KIAA1755: variants seen among roughly 807,000 people sequenced by gnomAD.
KIAA1755 encodes the protein KIAA1755.
In KIAA1755, 68 loss-of-function variants were observed where a neutral mutation model predicts 91.7. The ratio of observed to expected loss-of-function variants is 0.74; its 90% CI spans 0.61 to 0.91. The LOEUF (loss-of-function observed/expected upper bound fraction) is 0.91. KIAA1755 is among the 40% of genes least tolerant of loss of function. The pLI is 0.00. For synonymous variants in KIAA1755, 610 were observed against 604.6 expected, an observed-to-expected ratio of 1.01 and a Z score of -0.13; for missense variants, 1,535 against 1,494.4, an observed-to-expected ratio of 1.03 and a Z score of -0.45.
chr20:38,239,502 C>T, intron 4 of KIAA1755, 26 bp downstream of exon 4: 1 of 1,610,920 alleles, frequency 6.2e-7, no homozygotes, highest in Non-Finnish European at 8.5e-7. Context: ...CCCTCCCTAC[C>T]ACCTCCTGCT....
At chr20:38,244,465 C>T (rs1409785822) in intron 2 of KIAA1755, among the ~76,000 whole-genome samples, 2 of 152,312 alleles carry the variant, frequency 1.3e-5, no homozygotes, top group Admixed American at 6.5e-5. Flanking sequence ...CGCACACAGT[C>T]CCCACCCTTC....
In KIAA1755 at chr20:38,241,129, A is replaced by G. The variant is rs1463646474; in HGVS notation, c.1002T>C (p.Asn334=). 2 of 1,613,956 alleles carry G rather than the reference A, an allele frequency of 1.2e-6. No homozygotes were observed. Among genetic ancestry groups the G allele is most frequent in the African/African-American group, 1.3e-5 (1 of 74,888 alleles). Residue 334 remains asparagine (N), a synonymous_variant, in exon 3 of 14, where the codon AAT becomes AAC. Coordinates refer to ENST00000279024, the MANE Select transcript of KIAA1755 (RefSeq NM_001029864.2). ...AGCTTTCTGGCTTTGTGCAAGCCCG[A>G]TTTCCCAAGGAAGGTCCTTCATTGG... is the stretch of plus-strand genomic sequence containing the variant. The part of the protein sequence containing the change: ...SEANEGPSLG[N]RACTKPESSE...
chr20:38,215,737 T>C (rs147553210), intron 13 of KIAA1755, among the ~76,000 whole-genome samples: 88 of 152,232 alleles, frequency 5.8e-4, no homozygotes, highest in Admixed American at 2.0e-3. Flanking sequence ...GGGGCTGAAA[T>C]TGGCTGAAAT....
chr20:38,240,083 T>TTTCCTTCCTTCCTTCCTTCC (rs147706141), intron 3 of KIAA1755, among the ~76,000 whole-genome samples: 1 of 151,822 alleles, frequency 6.6e-6, no homozygotes, highest in Non-Finnish European at 1.5e-5. Flanking sequence ...TCCTTCCTTC[T>TTTCCTTCCTTCCTTCCTTCC]TTCCTTCCTT....
At chr20:38,229,847 C>G (rs887101651) in intron 5 of KIAA1755, among the ~76,000 whole-genome samples, 1 of 152,150 alleles carries the variant, frequency 6.6e-6, no homozygotes, top group Admixed American at 6.5e-5. Flanking sequence ...CTCTGTCTAC[C>G]ACACTAGTCA....
intron 1 of KIAA1755, among the ~76,000 whole-genome samples, chr20:38,251,804 G>C (rs191433370): frequency 5.1e-4 from 77 of 152,256 alleles, no homozygotes; most frequent in African/African-American, 1.8e-3. Context: ...GACCTCAGGT[G>C]ATCCGCCCTC....
At chr20:38,214,321 C>T (rs74771581) in intron 13 of KIAA1755, among the ~76,000 whole-genome samples, 3,198 of 152,244 alleles carry the variant, frequency 0.021, 102 homozygotes, top group African/African-American at 0.072. Flanking sequence ...GTTTCTTCTT[C>T]TGTAAAATGG....
chr20:38,227,033 A>C (rs2075769152), intron 7 of KIAA1755, 121 bp downstream of exon 7: 6 of 660,434 alleles, frequency 9.1e-6, no homozygotes, highest in Non-Finnish European at 1.6e-5. Flanking sequence ...ATTGCCTTAC[A>C]CTAGATTACC....
chr20:38,256,308 G>A (rs1444011896), intron 1 of KIAA1755, among the ~76,000 whole-genome samples: 4 of 152,182 alleles, frequency 2.6e-5, no homozygotes, highest in Non-Finnish European at 2.9e-5. Context: ...GCTGTGGCCC[G>A]TCAGTCAGCT....
In KIAA1755 at chr20:38,259,820, C is replaced by CACACACACACA. The variant is rs367702495; in HGVS notation, c.3+677_3+678insTGTGTGTGTGT. Among the ~76,000 whole-genome samples, 498 of 138,774 alleles carry CACACACACACA rather than the reference C, an allele frequency of 3.6e-3. 7 individuals are homozygous for CACACACACACA. The highest frequency in any genetic ancestry group is 0.013 in the African/African-American group (464 of 34,884). 91.0% of individuals were successfully genotyped at this position (138,774 alleles called of 152,430 possible). On this transcript the variant is annotated intron_variant, in intron 1 of 13. Transcript: ENST00000279024. ...AAACGCATCCCTGCCACCACCACCA[C>CACACACACACA]CACACACACACACACACACACACAC...
chr20:38,225,417 G>A (rs772030240), intron 8 of KIAA1755: 14 of 509,656 alleles, frequency 2.7e-5, no homozygotes, highest in Non-Finnish European at 4.5e-5. Context: ...AGCTGATGAG[G>A]AAACCAAGGC....
intron 10 of KIAA1755, among the ~76,000 whole-genome samples, chr20:38,220,577 G>T (rs991519049): frequency 1.3e-5 from 2 of 152,174 alleles, no homozygotes. Flanking sequence ...GCCTCCAAAA[G>T]TGCTGGCATT....
At chr20:38,222,401 G>A (rs1257789095) in intron 10 of KIAA1755, 48 bp downstream of exon 10, 2 of 1,585,814 alleles carry the variant, frequency 1.3e-6, no homozygotes, top group Non-Finnish European at 8.6e-7. Context: ...CAAGCTCCTG[G>A]GCCAGAAACA....
At chr20:38,251,510 G>A (rs2076248838) in intron 1 of KIAA1755, among the ~76,000 whole-genome samples, 1 of 152,018 alleles carries the variant, frequency 6.6e-6, no homozygotes, top group Non-Finnish European at 1.5e-5. Flanking sequence ...AGTGGGGGTG[G>A]GGGGATGTGT....
At chr20:38,222,990 G>A in intron 9 of KIAA1755, 1 of 306,042 alleles carries the variant, frequency 3.3e-6, no homozygotes, top group Non-Finnish European at 6.3e-6. Context: ...ACTCTTCCTT[G>A]GTCCAGCTCC....
intron 1 of KIAA1755, among the ~76,000 whole-genome samples, chr20:38,249,996 T>C (rs2076220338): frequency 2.6e-5 from 4 of 152,248 alleles, no homozygotes; most frequent in Admixed American, 2.6e-4. Flanking sequence ...TCTCTGGGCC[T>C]CTTTCCTTGT....
intron 1 of KIAA1755, among the ~76,000 whole-genome samples, chr20:38,247,805 TG>T (rs1418733566): frequency 6.6e-6 from 1 of 152,144 alleles, no homozygotes; most frequent in Non-Finnish European, 1.5e-5. Flanking sequence ...AATGTGACTA[TG>T]GGCCAGGGGT....
rs576269948 is a variant in KIAA1755, at chr20:38,222,126, G to A, written c.2417+323C>T. Among the ~76,000 whole-genome samples the A allele has an allele frequency of 7.9e-5, 12 of 152,340 alleles. No homozygotes were observed. In the South Asian group the frequency reaches 2.5e-3, roughly 32 times the overall value. On this transcript the variant is annotated intron_variant, in intron 10 of 13. Transcript: ENST00000279024. The stretch of plus-strand genomic sequence containing the variant: ...ATAAATGAGGCAGGCTCTTGCAGGG[G>A]TTCAGCGTGGTGTGTGGGTCAGAGA...
At chr20:38,232,647 T>A (rs780829972) in intron 4 of KIAA1755, among the ~76,000 whole-genome samples, 17 of 146,738 alleles carry the variant, frequency 1.2e-4, no homozygotes, top group East Asian at 2.0e-4. Context: ...AAAAAAAAAA[T>A]TTGTGTGTAT....
Sources: gnomAD v4.1 joint callset for allele counts (sites outside exome capture counted in the v4.1 genomes callset) on GRCh38, gnomAD v4.1.1 for gene constraint, MANE v1.5 for transcripts, NCBI Gene and HGNC (gene_info 2026-07-23, HGNC 2026-07-21) for gene names.